CDH3: variants seen among roughly 807,000 people sequenced by gnomAD.
CDH3 encodes cadherin-3.
CDH3 carries 54 observed loss-of-function variants against 82.0 expected under a neutral mutation model. The observed-to-expected ratio is 0.66, with a 90% CI of 0.53 to 0.83. The LOEUF is 0.83. Ranked by LOEUF, CDH3 falls within the 40% of genes least tolerant of loss-of-function variation. The probability of loss-of-function intolerance (pLI) is 0.00; values close to 1 mark genes in which losing one functional copy is unlikely to be tolerated. For synonymous variants in CDH3, 446 were observed against 437.9 expected (o/e 1.02, Z -0.23); for missense variants, 1,054 against 1,084.6 (o/e 0.97, Z 0.40).
In CDH3 at chr16:68,686,089, G is replaced by A. The variant is rs185090219; in HGVS notation, c.1570+739G>A. On this transcript the variant is annotated intron_variant, in intron 11 of 15. Coordinates refer to ENST00000264012, the MANE Select transcript of CDH3 (RefSeq NM_001793.6). ...CCAGCACTGTGGGAGGCTGAGGCAG[G>A]TGGATCACCTGAGGTCAGGAGTTCT... Among the ~76,000 whole-genome samples the A allele has an allele frequency of 3.9e-5, 6 of 152,382 alleles. No homozygotes were observed. The East Asian group carries it at 1.2e-3, about 29-fold the overall frequency.
chr16:68,650,124 C>T (rs1960196312), intron 2 of CDH3, among the ~76,000 whole-genome samples: 1 of 151,816 alleles, frequency 6.6e-6, no homozygotes, highest in Non-Finnish European at 1.5e-5. Flanking sequence ...GAATTCTGCT[C>T]CCTTGTGCAG....
At chr16:68,723,987 T>C (rs1597831856) in intron 2 of CDH3, among the ~76,000 whole-genome samples, 1 of 148,962 alleles carries the variant, frequency 6.7e-6, no homozygotes, top group South Asian at 2.1e-4. Context: ...GAGAATGGCG[T>C]GAACCCGGGA....
intron 11 of CDH3, chr16:68,686,422 G>A (rs779749053): frequency 2.1e-5 from 29 of 1,374,394 alleles, no homozygotes; most frequent in East Asian, 4.6e-5. Context: ...CTCTTTGACC[G>A]AGTATTGGTT....
intron 11 of CDH3, among the ~76,000 whole-genome samples, chr16:68,686,058 A>C (rs1961402354): frequency 6.6e-6 from 1 of 152,000 alleles, no homozygotes; most frequent in Admixed American, 6.5e-5. Context: ...ACTCAAGCCT[A>C]TAATCCCAGC....
chr16:68,650,711 TC>T (rs1466048037), intron 2 of CDH3, among the ~76,000 whole-genome samples: 1 of 151,862 alleles, frequency 6.6e-6, no homozygotes, highest in Admixed American at 6.6e-5. Context: ...GGGGACCAGT[TC>T]CCTCCACGCC....
At chr16:68,695,491 G>T (rs1961694668) in intron 14 of CDH3, 106 bp downstream of exon 14, 1 of 1,172,990 alleles carries the variant, frequency 8.5e-7, no homozygotes, top group Admixed American at 2.1e-5. Context: ...ACCAGGCCCT[G>T]GCATGAAGCA....
In CDH3 at chr16:68,691,911, G is replaced by C. The variant is rs768283758; in HGVS notation, c.1987G>C (p.Val663Leu). ...GGFILPVLGA[V>L]LALLFLLLVL... ...TTTCATCCTCCCTGTGCTGGGGGCTGTCCTGGCTCTGCTGTGTGAGTACCA... is the reference window on the plus strand; with the variant it reads ...TTTCATCCTCCCTGTGCTGGGGGCTCTCCTGGCTCTGCTGTGTGAGTACCA... Residue 663 changes from valine to leucine, a missense_variant, in exon 13 of 16, where the codon GTC (valine) becomes CTC (leucine). Physicochemically the swap from Val to Leu is conservative, Grantham distance 32 (BLOSUM62 1). Transcript: ENST00000264012. 3 of 1,613,024 alleles carry C rather than the reference G, an allele frequency of 1.9e-6. No individual in the cohort carries two copies. The highest frequency in any genetic ancestry group is 2.5e-6 in the Non-Finnish European group (3 of 1,179,722).
chr16:68,705,427 G>GTT (rs1491542456), intron 1 of CDH3, among the ~76,000 whole-genome samples: 2 of 148,956 alleles, frequency 1.3e-5, no homozygotes, highest in African/African-American at 2.5e-5. Context: ...GCAAGACACT[G>GTT]GTTTTTTTTT....
At chr16:68,646,685 C>T (rs1960082840) in intron 2 of CDH3, among the ~76,000 whole-genome samples, 1 of 152,026 alleles carries the variant, frequency 6.6e-6, no homozygotes, top group Non-Finnish European at 1.5e-5. Flanking sequence ...AGTTCTTAAA[C>T]GGGTATAACC....
rs1456954422 is a variant in CDH3 at position 68,698,832 on chromosome 16, C to T, written c.*432C>T. 1.1e-5 allele frequency: 2 copies of T among 177,466 alleles called. No homozygotes were observed. The highest frequency in any genetic ancestry group is 4.8e-5 in the African/African-American group (2 of 41,746). 11.0% of individuals were successfully genotyped at this position (177,466 alleles called of 1,614,324 possible). A position where few individuals can be genotyped will look rare whatever the true frequency, so the allele number is the denominator to read the frequency against. On this transcript the variant is annotated 3_prime_UTR_variant, in exon 16 of 16. Transcript: ENST00000264012. ...TAGAGAAAGTTCTTCAAAAGTGCAG[C>T]CCAGAGCTGCTGGGCCCACTGGCCG...
At chr16:68,670,222 T>TCAAA (rs1319004457) in intron 2 of CDH3, among the ~76,000 whole-genome samples, 5 of 28,830 alleles carry the variant, frequency 1.7e-4, no homozygotes, top group African/African-American at 6.6e-4. Flanking sequence ...AGACTCTGTC[T>TCAAA]CAAAAAAAAA....
intron 11 of CDH3, chr16:68,686,526 G>C: frequency 8.9e-7 from 1 of 1,126,976 alleles, no homozygotes. Flanking sequence ...GTTGCTGTTG[G>C]ATCGGATTCT....
chr16:68,656,349 T>G (rs1322416604), intron 2 of CDH3, among the ~76,000 whole-genome samples: 1 of 152,120 alleles, frequency 6.6e-6, no homozygotes, highest in Non-Finnish European at 1.5e-5. Context: ...TGGAGGACCA[T>G]GTCTGCCTCA....
At chr16:68,657,470 C>T (rs1960437113) in intron 2 of CDH3, among the ~76,000 whole-genome samples, 1 of 152,150 alleles carries the variant, frequency 6.6e-6, no homozygotes, top group Non-Finnish European at 1.5e-5. Flanking sequence ...GCCGAGATCG[C>T]ACCACTGCAC....
chr16:68,695,896 A>C lies in CDH3; in HGVS notation c.2253A>C (p.Pro751=). The change falls in exon 15 of 16, where the codon CCA becomes CCC. Residue 751 remains proline (P), a synonymous_variant. Transcript: ENST00000264012. ...TPMYRPRPAN[P]DEIGNFIIEN... is the part of the protein sequence containing the mutation. The stretch of plus-strand genomic sequence containing the variant: ...TGTACCGTCCTCGGCCAGCCAACCC[A>C]GATGAAATCGGCAACTTTATAATTG... 1 of 1,614,186 alleles carries C rather than the reference A, an allele frequency of 6.2e-7. No homozygotes were observed. Among genetic ancestry groups the C allele is most frequent in the African/African-American group, 1.3e-5 (1 of 75,050 alleles).
chr16:68,691,011 C>CT (rs561915097), intron 12 of CDH3, among the ~76,000 whole-genome samples: 82,704 of 137,448 alleles, frequency 0.6, 25,150 homozygotes, highest in African/African-American at 0.64. Flanking sequence ...CCTTTACTTT[C>CT]TTTTTTTTTT....
intron 13 of CDH3, 145 bp downstream of exon 13, chr16:68,692,071 C>T (rs949532919): frequency 1.6e-6 from 1 of 638,804 alleles, no homozygotes; most frequent in Admixed American, 2.8e-5. Flanking sequence ...GGGTCTCACT[C>T]TGTCACCCAG....
At chr16:68,682,612 C>A in intron 9 of CDH3, 125 bp downstream of exon 9, 1 of 854,316 alleles carries the variant, frequency 1.2e-6, no homozygotes, top group Non-Finnish European at 2.0e-6. Flanking sequence ...TGGCTCCCAA[C>A]ACTGTTCTAC....
rs147360704 is a variant in CDH3 at position 68,675,989 on chromosome 16, T to G, written c.161-396T>G. Among the ~76,000 whole-genome samples the G allele has an allele frequency of 1.3e-3, 194 of 152,268 alleles. 2 individuals carry two copies. Among genetic ancestry groups the G allele is most frequent in the Admixed American group, 0.011 (170 of 15,290 alleles). ...CAACCAAAGGTTGTCCAGGTGATCC[T>G]GTGGGCATATATATTGTGTGTAAAT... On this transcript the variant is annotated intron_variant, in intron 2 of 15. Transcript: ENST00000264012.
Sources: gnomAD v4.1 joint callset for allele counts (sites outside exome capture counted in the v4.1 genomes callset) on GRCh38, gnomAD v4.1.1 for gene constraint, MANE v1.5 for transcripts, NCBI Gene and HGNC (gene_info 2026-07-23, HGNC 2026-07-21) for gene names.